The following KIR2DL3 variants were observed in gnomAD, a reference collection of about 807,000 sequenced individuals.
The protein encoded by KIR2DL3 is killer cell immunoglobulin-like receptor 2DL3.
KIR2DL3 carries 39 observed loss-of-function variants against 33.8 expected under a neutral mutation model. The observed-to-expected ratio is 1.15, with a 90% CI of 0.89 to 1.51. The LOEUF (loss-of-function observed/expected upper bound fraction) is 1.51. Ranked by LOEUF, KIR2DL3 falls within the 40% of genes most tolerant of loss-of-function variation. The pLI, the probability that KIR2DL3 is intolerant of heterozygous loss-of-function variation, is 0.00. For synonymous variants in KIR2DL3, 174 were observed against 160.2 expected, an observed-to-expected ratio of 1.09 and a Z score of -0.65; for missense variants, 462 against 426.2, an observed-to-expected ratio of 1.08 and a Z score of -0.74.
chr19:54,740,224 C>A (rs533845590), intron 2 of KIR2DL3, among the ~76,000 whole-genome samples: 10 of 152,056 alleles, frequency 6.6e-5, no homozygotes, highest in South Asian at 2.1e-4. Flanking sequence ...GAGGGAAGGG[C>A]AGTTCCACAT....
chr19:54,742,463 C>T (rs1204495170), intron 3 of KIR2DL3, among the ~76,000 whole-genome samples, 184 bp downstream of exon 3: 5 of 151,232 alleles, frequency 3.3e-5, no homozygotes, highest in African/African-American at 4.9e-5. Context: ...GGTGTCATAA[C>T]AGAGGACAGA....
Position 54,752,556 on chromosome 19 carries a change from G to A in KIR2DL3, c.*37G>A. On this transcript the variant is annotated 3_prime_UTR_variant, in exon 8 of 8. Transcript: ENST00000342376. ...CTCCTGCCCATGAGCACCACAGTCA[G>A]GCCTTGAGGGGATCTTCTAGGGAGA... 1 of 1,461,572 alleles carries A rather than the reference G, an allele frequency of 6.8e-7. No homozygotes were observed. The allele number at this position is 1,461,572 out of a possible 1,614,324, so 90.5% of individuals were successfully genotyped here.
In KIR2DL3 at chr19:54,743,498, T is replaced by G. The variant is rs561309316; in HGVS notation, c.371-297T>G. On this transcript the variant is annotated intron_variant, in intron 3 of 7. Coordinates refer to ENST00000342376, the MANE Select transcript of KIR2DL3 (RefSeq NM_015868.3). ...AGAAAGTTATGAACAGGACACAACG[T>G]GAGAAACTTAGAATTTAAAAAAGTA... Among the ~76,000 whole-genome samples the G allele has an allele frequency of 2.0e-5, 3 of 152,280 alleles. No individual in the cohort carries two copies. In the South Asian group the frequency reaches 6.2e-4, roughly 32 times the overall value.
At chr19:54,741,210 G>A (rs755026784) in intron 2 of KIR2DL3, among the ~76,000 whole-genome samples, 2 of 151,306 alleles carry the variant, frequency 1.3e-5, no homozygotes, top group Admixed American at 6.6e-5. Flanking sequence ...ATGGTGGCAG[G>A]TGCATGTAAT....
chr19:54,750,518 C>T (rs2073256433), intron 5 of KIR2DL3, among the ~76,000 whole-genome samples: 1 of 138,616 alleles, frequency 7.2e-6, no homozygotes, highest in African/African-American at 2.7e-5. Flanking sequence ...ATCTTGATTT[C>T]ACTTTTGTTT....
chr19:54,738,852 A>AG (rs2070323695), intron 1 of KIR2DL3, among the ~76,000 whole-genome samples: 2 of 104,148 alleles, frequency 1.9e-5, no homozygotes, highest in African/African-American at 7.8e-5. Context: ...ATGGGCCTGC[A>AG]GTAGAGATAG....
In KIR2DL3 at chr19:54,751,760, CT is replaced by C. The variant is rs1464353310; in HGVS notation, c.820+8del. 6.9e-7 allele frequency: 1 copy of C among 1,456,378 alleles called. No individual in the cohort carries two copies. Among genetic ancestry groups the C allele is most frequent in the East Asian group, 2.3e-5 (1 of 44,222 alleles). The allele number at this position is 1,456,378 out of a possible 1,614,324, so 90.2% of individuals were successfully genotyped here. A position where few individuals can be genotyped will look rare whatever the true frequency, so the allele number is the denominator to read the frequency against. ...TGGTGCTGCAACAAAAAAAGTAAGT[CT>C]CACGAAGCAGAGGCCAGAGAGCTCA... On this transcript the variant is annotated splice_region_variant and intron_variant, in intron 6 of 7. Coordinates refer to ENST00000342376, the MANE Select transcript of KIR2DL3 (RefSeq NM_015868.3).
intron 4 of KIR2DL3, among the ~76,000 whole-genome samples, chr19:54,746,998 A>T (rs2072611462): frequency 7.0e-6 from 1 of 143,154 alleles, no homozygotes; most frequent in African/African-American, 2.6e-5. Context: ...AAAAAGAAAA[A>T]AACATTGGAG....
chr19:54,744,870 T>TTATATATATATATATA lies in KIR2DL3; in HGVS notation c.664+795_664+810dup, dbSNP rs1185648350. 4.7e-3 allele frequency among the ~76,000 whole-genome samples: 368 copies of TTATATATATATATATA among 78,286 alleles called. 3 individuals are homozygous for TTATATATATATATATA. Among genetic ancestry groups the TTATATATATATATATA allele is most frequent in the Non-Finnish European group, 7.2e-3 (278 of 38,852 alleles). 51.4% of individuals were successfully genotyped at this position (78,286 alleles called of 152,430 possible). A position where few individuals can be genotyped will look rare whatever the true frequency, so the allele number is the denominator to read the frequency against. ...TAAAGTCTAGTGGTCATAAATACAT[T>TTATATATATATATATA]TATATATATATATATATATATATAT... is the stretch of plus-strand genomic sequence containing the variant. On this transcript the variant is annotated intron_variant, in intron 4 of 7. Transcript: ENST00000342376.
Position 54,742,038 on chromosome 19 carries a change from G to C in KIR2DL3, c.129G>C (p.Glu43Asp). The C allele has an allele frequency of 6.2e-7, 1 of 1,612,786 alleles. No individual in the cohort carries two copies. Among genetic ancestry groups the C allele is most frequent in the Non-Finnish European group, 8.5e-7 (1 of 1,179,210 alleles). Residue 43 changes from glutamate to aspartate, a missense_variant, in exon 3 of 8, where the codon GAG (glutamate) becomes GAC (aspartate). Physicochemically the swap from Glu to Asp is conservative, Grantham distance 45. Coordinates refer to ENST00000342376, the MANE Select transcript of KIR2DL3 (RefSeq NM_015868.3). ...AHPGPLVKSE[E>D]TVILQCWSDV... ...CAGGTCCCCTGGTGAAATCAGAAGA[G>C]ACAGTCATCCTGCAATGTTGGTCAG...
chr19:54,746,390 A>T (rs2072490872), intron 4 of KIR2DL3, among the ~76,000 whole-genome samples: 1 of 141,876 alleles, frequency 7.0e-6, no homozygotes, highest in African/African-American at 2.6e-5. Context: ...GAAGTTGCTT[A>T]GTTTGAGGTA....
At chr19:54,751,415 G>A (rs1425089403) in intron 5 of KIR2DL3, among the ~76,000 whole-genome samples, 1 of 122,506 alleles carries the variant, frequency 8.2e-6, no homozygotes, top group East Asian at 2.1e-4. Flanking sequence ...AAATTTCAAT[G>A]TGAGGTTTGA....
At chr19:54,743,681 G>C in intron 3 of KIR2DL3, 114 bp from the exon 4 acceptor site, 1 of 766,738 alleles carries the variant, frequency 1.3e-6, no homozygotes, top group Non-Finnish European at 2.0e-6. Context: ...GAGGGTGAGA[G>C]AGAGAGAGAG....
At chr19:54,741,149 C>G (rs1369820050) in intron 2 of KIR2DL3, among the ~76,000 whole-genome samples, 1 of 151,410 alleles carries the variant, frequency 6.6e-6, no homozygotes, top group Non-Finnish European at 1.5e-5. Flanking sequence ...GAAACCAACA[C>G]TGGAACCCAG....
chr19:54,739,078 G>T (rs1167839757), intron 1 of KIR2DL3, among the ~76,000 whole-genome samples: 2 of 150,468 alleles, frequency 1.3e-5, no homozygotes, highest in African/African-American at 4.9e-5. Flanking sequence ...GGATATCTGG[G>T]CCTGGAGTGG....
rs942090284 is a variant in KIR2DL3, at chr19:54,750,913, G to A, written c.716-736G>A. Among the ~76,000 whole-genome samples the A allele has an allele frequency of 2.2e-5, 3 of 133,458 alleles. 1 individual carries two copies. The highest frequency in any genetic ancestry group is 1.6e-5 in the Non-Finnish European group (1 of 60,880). The allele number at this position is 133,458 out of a possible 152,430, so 87.6% of individuals were successfully genotyped here. ...GTTTTGTACTGTGGAGCCACAGGAA[G>A]CACTCAGCTAAAGCACTGCATGACG... On this transcript the variant is annotated intron_variant, in intron 5 of 7. Coordinates refer to ENST00000342376, the MANE Select transcript of KIR2DL3 (RefSeq NM_015868.3).
At chr19:54,739,209 T>G (rs1242375770) in intron 1 of KIR2DL3, among the ~76,000 whole-genome samples, 4 of 149,632 alleles carry the variant, frequency 2.7e-5, no homozygotes, top group African/African-American at 9.9e-5. Context: ...GGCGGAGATA[T>G]GGGACTGGAT....
At chr19:54,747,714 G>A (rs1191228386) in intron 5 of KIR2DL3, among the ~76,000 whole-genome samples, 2 of 152,180 alleles carry the variant, frequency 1.3e-5, no homozygotes, top group African/African-American at 2.4e-5. Context: ...GAGAGGGAAG[G>A]GAAGGGAACA....
intron 5 of KIR2DL3, among the ~76,000 whole-genome samples, chr19:54,747,973 G>T (rs1262427645): frequency 1.3e-5 from 2 of 152,174 alleles, no homozygotes; most frequent in African/African-American, 4.8e-5. Context: ...AAAACAAAAC[G>T]GTTTTTTAAT....
Sources: allele counts gnomAD v4.1 joint callset (sites outside exome capture counted in the v4.1 genomes callset), GRCh38; gene constraint gnomAD v4.1.1; transcripts MANE v1.5; gene names NCBI Gene and HGNC (gene_info 2026-07-23, HGNC 2026-07-21).